The following CDKL2 variants were observed in gnomAD, a reference collection of about 807,000 sequenced individuals.
CDKL2 encodes cyclin-dependent kinase-like 2.
A neutral mutation model predicts 63.9 loss-of-function variants in CDKL2; 64 were observed. The observed-to-expected ratio is 1.00, with a 90% CI of 0.82 to 1.23. The LOEUF (loss-of-function observed/expected upper bound fraction) is 1.23, where lower values mean the gene tolerates loss of function less well. CDKL2 is among the 50% of genes most tolerant of loss of function. The pLI, the probability that CDKL2 is intolerant of heterozygous loss-of-function variation, is 0.00. For missense variants in CDKL2, 656 were observed against 668.0 expected, an observed-to-expected ratio of 0.98 and a Z score of 0.20; for synonymous variants, 211 against 229.2, an observed-to-expected ratio of 0.92 and a Z score of 0.72.
intron 3 of CDKL2, among the ~76,000 whole-genome samples, chr4:75,609,729 A>G (rs546049491): frequency 1.4e-4 from 21 of 150,382 alleles, no homozygotes; most frequent in African/African-American, 4.6e-4. Flanking sequence ...TCTCTAATAT[A>G]AGCAAATTGT....
At chr4:75,618,100 C>CAAAA (rs1297914975) in intron 2 of CDKL2, among the ~76,000 whole-genome samples, 2 of 73,840 alleles carry the variant, frequency 2.7e-5, no homozygotes, top group African/African-American at 5.8e-5. Flanking sequence ...GACTCTGTCT[C>CAAAA]AAAAAAAAAA....
At position 75,589,804 on chromosome 4, in the gene CDKL2, C is replaced by T. The variant is rs563712667; in HGVS notation, c.1647+2015G>A. 2.7e-4 allele frequency among the ~76,000 whole-genome samples: 41 copies of T among 151,806 alleles called. 2 individuals are homozygous for T. In the South Asian group the frequency reaches 7.5e-3, roughly 28 times the overall value. Reference sequence around the variant, plus strand: ...GAAAATGGATAAACAGATAAATAGACTCCATCTCTAAAAAAAAAAAAAATT... The same window carrying T: ...GAAAATGGATAAACAGATAAATAGATTCCATCTCTAAAAAAAAAAAAAATT... On this transcript the variant is annotated intron_variant, in intron 12 of 13. Transcript: ENST00000307465.
chr4:75,621,460 A>G (rs768496721), intron 2 of CDKL2, among the ~76,000 whole-genome samples: 3 of 152,174 alleles, frequency 2.0e-5, no homozygotes, highest in Admixed American at 6.5e-5. Context: ...GTAGGATTCT[A>G]TCTTGAACAT....
intron 12 of CDKL2, among the ~76,000 whole-genome samples, chr4:75,582,381 A>G (rs1466794214): frequency 6.6e-6 from 1 of 152,234 alleles, no homozygotes; most frequent in Non-Finnish European, 1.5e-5. Context: ...AAAGCACAGT[A>G]TCTGAAATTT....
In CDKL2 at chr4:75,626,019, T is replaced by C. The variant is rs1338213099; in HGVS notation, c.-29-2A>G. On this transcript the variant is annotated splice_acceptor_variant, in intron 1 of 13. Transcript: ENST00000307465. LOFTEE classifies it low-confidence loss of function (5UTR_SPLICE). ...TTTAAAGTCCGTAGAAACTTTTTGC[T>C]GTGAAAACCAAAACATAGATTTAAC... 1.3e-6 allele frequency: 2 copies of C among 1,578,706 alleles called. No homozygotes were observed. Among genetic ancestry groups the C allele is most frequent in the Non-Finnish European group, 1.7e-6 (2 of 1,160,850 alleles).
chr4:75,624,851 C>T (rs1000897910), intron 2 of CDKL2, among the ~76,000 whole-genome samples: 4 of 151,872 alleles, frequency 2.6e-5, no homozygotes, highest in African/African-American at 7.2e-5. Flanking sequence ...AGTGAGACTC[C>T]GTCTCAAAAA....
At chr4:75,592,041 C>T (rs1728738111) in intron 11 of CDKL2, 105 bp downstream of exon 11, 10 of 1,291,726 alleles carry the variant, frequency 7.7e-6, no homozygotes, top group South Asian at 3.0e-5. Flanking sequence ...TATTTACATA[C>T]TTAAATATGT....
intron 4 of CDKL2, among the ~76,000 whole-genome samples, chr4:75,606,081 T>C (rs529728859): frequency 2.6e-5 from 4 of 152,290 alleles, no homozygotes; most frequent in Admixed American, 2.0e-4. Context: ...TCATTCTTTG[T>C]TTACGCATAA....
intron 13 of CDKL2, among the ~76,000 whole-genome samples, chr4:75,580,279 T>C (rs1728203884): frequency 6.6e-6 from 1 of 150,710 alleles, no homozygotes; most frequent in Non-Finnish European, 1.5e-5. Context: ...ATAAATACAG[T>C]TGTGAGAATG....
intron 7 of CDKL2, among the ~76,000 whole-genome samples, chr4:75,599,548 C>A (rs1284925654): frequency 0.011 from 770 of 69,268 alleles, 1 homozygote; most frequent in African/African-American, 0.018. Context: ...GCAACAAGAG[C>A]AAAAAAAAAA....
chr4:75,601,984 A>C (rs1039480715), intron 6 of CDKL2, among the ~76,000 whole-genome samples: 3 of 152,220 alleles, frequency 2.0e-5, no homozygotes, highest in Non-Finnish European at 2.9e-5. Context: ...AAAATTCCCC[A>C]AAAAGGTCAA....
intron 10 of CDKL2, among the ~76,000 whole-genome samples, chr4:75,594,891 T>C (rs963389651): frequency 2.6e-5 from 4 of 152,094 alleles, no homozygotes; most frequent in African/African-American, 7.2e-5. Flanking sequence ...GAGTCAATCC[T>C]GCAGGCACTT....
At chr4:75,622,737 A>AC (rs1448104899) in intron 2 of CDKL2, among the ~76,000 whole-genome samples, 5 of 149,462 alleles carry the variant, frequency 3.3e-5, no homozygotes, top group African/African-American at 1.2e-4. Context: ...AAAAAAAAAA[A>AC]AAAAAAACAG....
intron 2 of CDKL2, among the ~76,000 whole-genome samples, chr4:75,619,505 C>A (rs1341584928): frequency 6.9e-6 from 1 of 144,982 alleles, no homozygotes; most frequent in Non-Finnish European, 1.5e-5. Context: ...TGCAGGTAGG[C>A]CAGAACTGGT....
Position 75,625,951 on chromosome 4 carries a change from C to G in CDKL2, c.38G>C (p.Gly13Ala), listed in dbSNP as rs1730385259. 1 of 1,610,582 alleles carries G rather than the reference C, an allele frequency of 6.2e-7. No homozygotes were observed. Among genetic ancestry groups the G allele is most frequent in the East Asian group, 2.2e-5 (1 of 44,746 alleles). The part of the protein sequence containing the change: ...KYENLGLVGE[G>A]SYGMVMKCRN... ...ACACTTCATCACCATTCCATAACTC[C>G]CTTCTCCAACCAAACCCAGGTTTTC... The change falls in exon 2 of 14, where the codon GGG (glycine) becomes GCG (alanine). Residue 13 changes from glycine (G) to alanine (A), a missense_variant. Physicochemically the swap from Gly to Ala is moderately conservative, Grantham distance 60 (BLOSUM62 0). Transcript: ENST00000307465.
chr4:75,627,348 C>A (rs967834926), intron 1 of CDKL2, among the ~76,000 whole-genome samples: 1 of 152,094 alleles, frequency 6.6e-6, no homozygotes, highest in Non-Finnish European at 1.5e-5. Flanking sequence ...TTTAGGCTCA[C>A]GGCAACCTCC....
intron 3 of CDKL2, among the ~76,000 whole-genome samples, chr4:75,613,916 G>A (rs939195490): frequency 8.5e-5 from 13 of 152,102 alleles, no homozygotes; most frequent in African/African-American, 2.4e-4. Flanking sequence ...AATTAGCCAG[G>A]CGTAGTGGTG....
intron 4 of CDKL2, among the ~76,000 whole-genome samples, chr4:75,606,500 G>A (rs1249207410): frequency 2.6e-5 from 4 of 152,114 alleles, no homozygotes; most frequent in Non-Finnish European, 4.4e-5. Context: ...GGCATGAGCC[G>A]CTGCACCCAG....
chr4:75,628,808 T>C (rs1476149387), intron 1 of CDKL2, among the ~76,000 whole-genome samples: 1 of 152,196 alleles, frequency 6.6e-6, no homozygotes, highest in Non-Finnish European at 1.5e-5. Context: ...TACAATACGT[T>C]TTCCACACTT....
Sources: gnomAD v4.1 joint callset for allele counts (sites outside exome capture counted in the v4.1 genomes callset) on GRCh38, gnomAD v4.1.1 for gene constraint, MANE v1.5 for transcripts, NCBI Gene and HGNC (gene_info 2026-07-23, HGNC 2026-07-21) for gene names.